SLC14A2: variants seen among roughly 807,000 people sequenced by gnomAD.
SLC14A2 encodes urea transporter 2.
Under a neutral mutation model 104.6 loss-of-function variants are expected in SLC14A2, and 91 were observed. The ratio of observed to expected loss-of-function variants is 0.87; its 90% CI spans 0.73 to 1.04. SLC14A2 has a LOEUF of 1.04. Ranked by LOEUF, SLC14A2 falls within the 50% of genes least tolerant of loss-of-function variation. The pLI is 0.00. For synonymous variants in SLC14A2, 476 were observed against 466.4 expected (o/e 1.02, Z -0.27); for missense variants, 1,189 against 1,156.0 (o/e 1.03, Z -0.41).
At chr18:45,510,028 A>G (rs1452559304) in intron 2 of SLC14A2, among the ~76,000 whole-genome samples, 1 of 152,112 alleles carries the variant, frequency 6.6e-6, no homozygotes, top group East Asian at 1.9e-4. Flanking sequence ...AGCCCCAAAC[A>G]TTTCTCCCTC....
chr18:45,595,894 G>T (rs79436737), intron 2 of SLC14A2, among the ~76,000 whole-genome samples: 8 of 152,156 alleles, frequency 5.3e-5, no homozygotes, highest in Non-Finnish European at 1.0e-4. Context: ...TGCCCCCAGG[G>T]TGTTCATTGA....
intron 1 of SLC14A2, among the ~76,000 whole-genome samples, chr18:45,336,647 G>A (rs1229224836): frequency 6.6e-6 from 1 of 152,166 alleles, no homozygotes; most frequent in Non-Finnish European, 1.5e-5. Flanking sequence ...CACATCTGGA[G>A]GATATGTATT....
chr18:45,631,916 G>A (rs2045351646), intron 4 of SLC14A2, among the ~76,000 whole-genome samples: 2 of 152,076 alleles, frequency 1.3e-5, no homozygotes, highest in South Asian at 4.1e-4. Flanking sequence ...ACTGAGCCTG[G>A]CCAACTACAG....
At chr18:45,338,443 C>T (rs896874970) in intron 1 of SLC14A2, among the ~76,000 whole-genome samples, 12 of 151,976 alleles carry the variant, frequency 7.9e-5, no homozygotes, top group South Asian at 6.2e-4. Flanking sequence ...CTTCATGATC[C>T]GCCCGCCTCT....
intron 2 of SLC14A2, among the ~76,000 whole-genome samples, chr18:45,512,139 G>A (rs887727250): frequency 4.6e-5 from 7 of 152,218 alleles, no homozygotes; most frequent in African/African-American, 1.7e-4. Context: ...TGCATGTACA[G>A]GAGCACATTT....
chr18:45,632,767 T>A (rs1255994792), intron 5 of SLC14A2, among the ~76,000 whole-genome samples: 1 of 152,206 alleles, frequency 6.6e-6, no homozygotes, highest in African/African-American at 2.4e-5. Context: ...AAGCTCCACC[T>A]CCTGGGTTCA....
At chr18:45,294,235 A>C (rs1395430057) in intron 1 of SLC14A2, among the ~76,000 whole-genome samples, 5 of 152,214 alleles carry the variant, frequency 3.3e-5, no homozygotes, top group African/African-American at 1.2e-4. Context: ...ATATATAGAA[A>C]GAGTGATTAA....
the SLC14A2 span, among the ~76,000 whole-genome samples, chr18:45,207,909 A>T: frequency 6.6e-6 from 1 of 152,224 alleles, no homozygotes; most frequent in Non-Finnish European, 1.5e-5. Context: ...TAATTCCCAC[A>T]GTAACCCTAT....
chr18:45,612,873 CCTT>C (rs1055148153), upstream of SLC14A2, among the ~76,000 whole-genome samples: 1 of 152,214 alleles, frequency 6.6e-6, no homozygotes, highest in African/African-American at 2.4e-5. Flanking sequence ...GCAAGTTCCT[CCTT>C]CTCACACACT....
intron 1 of SLC14A2, among the ~76,000 whole-genome samples, chr18:45,242,698 A>G (rs1388515033): frequency 1.3e-5 from 2 of 152,216 alleles, no homozygotes; most frequent in African/African-American, 2.4e-5. Context: ...AATTGTAAAG[A>G]AATAATTTAT....
chr18:45,625,172 C>T (rs1281507717), intron 2 of SLC14A2, among the ~76,000 whole-genome samples: 1 of 152,190 alleles, frequency 6.6e-6, no homozygotes. Context: ...GGTAGACTGG[C>T]TGGCCACTGC....
chr18:45,514,792 T>C (rs1232641956), intron 2 of SLC14A2, among the ~76,000 whole-genome samples: 1 of 152,230 alleles, frequency 6.6e-6, no homozygotes, highest in Non-Finnish European at 1.5e-5. Flanking sequence ...AACACCCATG[T>C]AGTAACTACC....
intron 2 of SLC14A2, among the ~76,000 whole-genome samples, chr18:45,576,296 G>A (rs1396859609): frequency 1.7e-5 from 1 of 58,560 alleles, no homozygotes; most frequent in African/African-American, 5.5e-5. Context: ...TTTTTTTTGA[G>A]ATGGAGTCTC....
Position 45,673,754 on chromosome 18 carries a change from A to G in SLC14A2, c.2449A>G (p.Ile817Val). ...LCGFNSTLAC[I>V]AIGGMFYVIT... ...TGGCTTCAACAGCACCCTCGCATGCATAGCGATAGGAGGCATGTTCTACGT... is the reference window on the plus strand; with the variant it reads ...TGGCTTCAACAGCACCCTCGCATGCGTAGCGATAGGAGGCATGTTCTACGT... Residue 817 changes from isoleucine to valine, a missense_variant, in exon 18 of 20, where the codon ATA (isoleucine) becomes GTA (valine). Transcript: ENST00000255226. 2 of 1,614,200 alleles carry G rather than the reference A, an allele frequency of 1.2e-6. No homozygotes were observed. Among genetic ancestry groups the G allele is most frequent in the Admixed American group, 1.7e-5 (1 of 60,022 alleles).
chr18:45,422,492 T>C (rs2086363170), intron 1 of SLC14A2, among the ~76,000 whole-genome samples: 1 of 152,052 alleles, frequency 6.6e-6, no homozygotes, highest in South Asian at 2.1e-4. Context: ...AACACAGATT[T>C]AGGCTAAGCG....
chr18:45,410,446 C>T (rs992669560), intron 1 of SLC14A2, among the ~76,000 whole-genome samples: 12 of 152,146 alleles, frequency 7.9e-5, no homozygotes, highest in East Asian at 1.9e-4. Context: ...ACTAAATATG[C>T]GTTACTGCCT....
chr18:45,383,559 C>T (rs2085861562), intron 1 of SLC14A2, among the ~76,000 whole-genome samples: 1 of 152,164 alleles, frequency 6.6e-6, no homozygotes, highest in Non-Finnish European at 1.5e-5. Context: ...TAGCCCTCAA[C>T]ATTTTCATGT....
intron 1 of SLC14A2, among the ~76,000 whole-genome samples, chr18:45,348,380 T>A (rs969645367): frequency 2.6e-5 from 4 of 152,114 alleles, no homozygotes; most frequent in Non-Finnish European, 5.9e-5. Flanking sequence ...TGACAAGGGG[T>A]CCAAATACTC....
rs78565632 is a variant in SLC14A2, at chr18:45,467,949, T to C, written c.-124-15284T>C. On this transcript the variant is annotated intron_variant, in intron 1 of 20. Transcript: ENST00000586448. ...CAGAACAAAATGAGGTACAGGCAAG[T>C]TCCAGGGCTCACCAGAACTGCATCA... Among the ~76,000 whole-genome samples the C allele has an allele frequency of 1.8e-4, 27 of 151,936 alleles. 1 individual carries two copies. In the East Asian group the frequency reaches 5.1e-3, roughly 28 times the overall value.
Sources: gnomAD v4.1 joint callset for allele counts (sites outside exome capture counted in the v4.1 genomes callset) on GRCh38, gnomAD v4.1.1 for gene constraint, MANE v1.5 for transcripts, NCBI Gene and HGNC (gene_info 2026-07-23, HGNC 2026-07-21) for gene names.